Variants in MEI4 observed in about 807,000 individuals in gnomAD.
The protein encoded by MEI4 is meiotic double-stranded break formation protein 4, also known as meiosis-specific protein MEI4.
Under a neutral mutation model 31.4 loss-of-function variants are expected in MEI4, and 27 were observed. The observed-to-expected ratio is 0.86, with a 90% CI of 0.63 to 1.19. The LOEUF is 1.19. Ranked by LOEUF, MEI4 falls within the 50% of genes most tolerant of loss-of-function variation. The probability of loss-of-function intolerance (pLI) is 0.00; values close to 1 mark genes in which losing one functional copy is unlikely to be tolerated. For synonymous variants in MEI4, 122 were observed against 145.4 expected (o/e 0.84, Z 1.16); for missense variants, 329 against 398.9 (o/e 0.82, Z 1.49).
chr6:77,676,861 T>C (rs1441903337), intron 1 of MEI4, among the ~76,000 whole-genome samples: 1 of 152,214 alleles, frequency 6.6e-6, no homozygotes, highest in Non-Finnish European at 1.5e-5. Flanking sequence ...ATCTAATTCA[T>C]CTTTTTATGT....
rs527360297 is a variant in MEI4 at position 77,697,754 on chromosome 6, G to A, written c.232+6851G>A. 2.3e-3 allele frequency among the ~76,000 whole-genome samples: 349 copies of A among 152,198 alleles called. 3 individuals are homozygous for A. The highest frequency in any genetic ancestry group is 7.6e-3 in the African/African-American group (316 of 41,458). On this transcript the variant is annotated intron_variant, in intron 2 of 4. Coordinates refer to ENST00000684080, the MANE Select transcript of MEI4 (RefSeq NM_001322247.2). ...AAAGTATATATTCTGTTGATTTGGG[G>A]TGGAGAGTTCTGTAGATGTCTATTA... is the stretch of plus-strand genomic sequence containing the variant.
At chr6:77,750,679 C>G (rs1182685755) in intron 2 of MEI4, among the ~76,000 whole-genome samples, 1 of 151,960 alleles carries the variant, frequency 6.6e-6, no homozygotes, top group Admixed American at 6.6e-5. Flanking sequence ...TGGGAGACTT[C>G]AACACCCCAC....
chr6:77,798,759 C>T (rs62415490), intron 3 of MEI4, among the ~76,000 whole-genome samples: 7 of 146,616 alleles, frequency 4.8e-5, no homozygotes, highest in South Asian at 2.2e-4. Context: ...TTTTTGTTCT[C>T]GCGATAGTTT....
Position 77,702,999 on chromosome 6 carries a change from C to T in MEI4, c.232+12096C>T, listed in dbSNP as rs185398416. Among the ~76,000 whole-genome samples, 8 of 152,146 alleles carry T rather than the reference C, an allele frequency of 5.3e-5. No individual in the cohort carries two copies. The East Asian group carries it at 1.5e-3, about 29-fold the overall frequency. The stretch of plus-strand genomic sequence containing the variant: ...AGATTAGGTTCTCCTGATGTGGGTC[C>T]CCATTATATTCTGTACTTTTTTATA... On this transcript the variant is annotated intron_variant, in intron 2 of 4. Coordinates refer to ENST00000684080, the MANE Select transcript of MEI4 (RefSeq NM_001322247.2).
At chr6:77,762,774 G>T (rs1456816025) in intron 3 of MEI4, among the ~76,000 whole-genome samples, 1 of 152,022 alleles carries the variant, frequency 6.6e-6, no homozygotes, top group Non-Finnish European at 1.5e-5. Flanking sequence ...GTAAGCTTCG[G>T]CATTTGTGAA....
chr6:77,797,938 C>A (rs988727483), intron 3 of MEI4, among the ~76,000 whole-genome samples: 1 of 152,108 alleles, frequency 6.6e-6, no homozygotes, highest in African/African-American at 2.4e-5. Context: ...CTAGTATTAA[C>A]CATCACACTT....
chr6:77,699,735 G>A (rs1766166376), intron 2 of MEI4, among the ~76,000 whole-genome samples: 2 of 152,114 alleles, frequency 1.3e-5, no homozygotes, highest in African/African-American at 4.8e-5. Flanking sequence ...CTTTGATGAT[G>A]GTGACGTACA....
intron 4 of MEI4, among the ~76,000 whole-genome samples, chr6:77,920,257 T>A (rs539272250): frequency 1.3e-4 from 20 of 151,910 alleles, no homozygotes; most frequent in African/African-American, 4.3e-4. Context: ...TCAACAAAAT[T>A]CTGGCAAATC....
intron 2 of MEI4, among the ~76,000 whole-genome samples, chr6:77,759,699 C>T (rs919621400): frequency 6.6e-6 from 1 of 152,116 alleles, no homozygotes; most frequent in African/African-American, 2.4e-5. Flanking sequence ...TTTATTTTCC[C>T]AGTCAGTCCT....
chr6:77,856,702 C>T (rs1289628047), intron 4 of MEI4, among the ~76,000 whole-genome samples: 2 of 152,148 alleles, frequency 1.3e-5, no homozygotes, highest in African/African-American at 2.4e-5. Context: ...CAGCTCATCA[C>T]TCACAGCTAC....
At chr6:77,894,612 T>C (rs1259994081) in intron 4 of MEI4, among the ~76,000 whole-genome samples, 2 of 152,178 alleles carry the variant, frequency 1.3e-5, no homozygotes, top group Non-Finnish European at 2.9e-5. Flanking sequence ...TGTTCAGTTG[T>C]CTTTTGTAAT....
chr6:77,794,109 G>A (rs1051989367), intron 3 of MEI4, among the ~76,000 whole-genome samples: 1 of 152,134 alleles, frequency 6.6e-6, no homozygotes, highest in African/African-American at 2.4e-5. Flanking sequence ...GATGGAAAGC[G>A]ATATTCCATT....
At chr6:77,841,011 C>T (rs1201543645) in intron 4 of MEI4, among the ~76,000 whole-genome samples, 2 of 151,942 alleles carry the variant, frequency 1.3e-5, no homozygotes, top group African/African-American at 4.8e-5. Context: ...ATGCTAAAAG[C>T]AGTGCTTAAG....
At chr6:77,783,959 C>A (rs377613495) in intron 3 of MEI4, among the ~76,000 whole-genome samples, 1 of 151,656 alleles carries the variant, frequency 6.6e-6, no homozygotes, top group South Asian at 2.1e-4. Flanking sequence ...TTATAGCAAT[C>A]TAATCTTAAA....
chr6:77,761,922 T>C (rs565745625), intron 3 of MEI4, among the ~76,000 whole-genome samples: 2 of 152,334 alleles, frequency 1.3e-5, no homozygotes, highest in African/African-American at 4.8e-5. Flanking sequence ...CTCTGTTTTA[T>C]TATCAGCACC....
chr6:77,650,576 G>A (rs1346739664), upstream of MEI4, among the ~76,000 whole-genome samples: 1 of 152,216 alleles, frequency 6.6e-6, no homozygotes, highest in Non-Finnish European at 1.5e-5. Flanking sequence ...GAACCCAGAA[G>A]GTAGGCGGGG....
Position 77,916,890 on chromosome 6 carries a change from G to A in MEI4, c.901-6199G>A, listed in dbSNP as rs565013726. Reference sequence around the variant, plus strand: ...CCCACTAACTCGTCATCTAGCATTAGGTATATCTCCCAATGCTATCCCTCC... The same window carrying A: ...CCCACTAACTCGTCATCTAGCATTAAGTATATCTCCCAATGCTATCCCTCC... On this transcript the variant is annotated intron_variant, in intron 4 of 4. Transcript: ENST00000684080. 7.3e-4 allele frequency among the ~76,000 whole-genome samples: 111 copies of A among 151,332 alleles called. No homozygotes were observed. The East Asian group carries it at 7.5e-3, about 10-fold the overall frequency.
chr6:77,653,539 A>G (rs1056056665), intron 1 of MEI4, among the ~76,000 whole-genome samples: 1 of 152,206 alleles, frequency 6.6e-6, no homozygotes, highest in Non-Finnish European at 1.5e-5. Flanking sequence ...TTGCATTTAT[A>G]TAGCACCTGA....
At chr6:77,846,098 A>G (rs966823149) in intron 4 of MEI4, among the ~76,000 whole-genome samples, 1 of 151,688 alleles carries the variant, frequency 6.6e-6, no homozygotes, top group Non-Finnish European at 1.5e-5. Flanking sequence ...GTTTATCTTC[A>G]ATATGAATTT....
Sources: allele counts gnomAD v4.1 joint callset (sites outside exome capture counted in the v4.1 genomes callset), GRCh38; gene constraint gnomAD v4.1.1; transcripts MANE v1.5; gene names NCBI Gene and HGNC (gene_info 2026-07-23, HGNC 2026-07-21).